FBXO25: variants seen among roughly 807,000 people sequenced by gnomAD.
FBXO25 encodes the protein F-box only protein 25.
In FBXO25, 45 loss-of-function variants were observed where a neutral mutation model predicts 51.9. The observed-to-expected ratio is 0.87, with a 90% CI of 0.68 to 1.11. The LOEUF is 1.11. FBXO25 is among the 50% of genes most tolerant of loss of function. FBXO25 has a pLI of 0.00. For synonymous variants in FBXO25, 199 were observed against 151.0 expected (o/e 1.32, Z -2.33); for missense variants, 507 against 428.5 (o/e 1.18, Z -1.62).
chr8:418,204 A>G (rs1336143104), intron 2 of FBXO25, among the ~76,000 whole-genome samples: 1 of 152,150 alleles, frequency 6.6e-6, no homozygotes, highest in Non-Finnish European at 1.5e-5. Context: ...TTTTGGGGAC[A>G]GTGCACAAGG....
At chr8:453,439 T>G (rs1799218989) in intron 7 of FBXO25, among the ~76,000 whole-genome samples, 1 of 152,126 alleles carries the variant, frequency 6.6e-6, no homozygotes, top group South Asian at 2.1e-4. Context: ...GGTTCCCTTG[T>G]AGGAGTTGGC....
intron 7 of FBXO25, among the ~76,000 whole-genome samples, chr8:451,957 A>G (rs1371561787): frequency 6.6e-6 from 1 of 152,226 alleles, no homozygotes; most frequent in African/African-American, 2.4e-5. Flanking sequence ...ACTAGTTTCA[A>G]CAAGAATAAT....
chr8:417,494 G>A (rs542979834), intron 2 of FBXO25, among the ~76,000 whole-genome samples: 11 of 152,288 alleles, frequency 7.2e-5, no homozygotes, highest in South Asian at 4.1e-4. Context: ...TAAGAGGGTC[G>A]AGGGGTGAGA....
At chr8:451,227 C>A in intron 6 of FBXO25, 42 bp from the exon 7 acceptor site, 1 of 1,534,702 alleles carries the variant, frequency 6.5e-7, no homozygotes, top group Non-Finnish European at 8.8e-7. Context: ...TAAAGTGTTG[C>A]TTAACTGTAT....
Position 468,813 on chromosome 8 carries a change from C to G in FBXO25, c.*9C>G, listed in dbSNP as rs370833891. 34 of 1,612,578 alleles carry G rather than the reference C, an allele frequency of 2.1e-5. No individual in the cohort carries two copies. The highest frequency in any genetic ancestry group is 3.3e-4 in the Middle Eastern group (2 of 6,076). ...ACCTCTTCAAGTTTTAAGGGCTGCC[C>G]CTGCCATCCCTATTGGAGATTGTGA... On this transcript the variant is annotated 3_prime_UTR_variant, in exon 10 of 10. Transcript: ENST00000350302.
At chr8:426,933 G>A in intron 2 of FBXO25, among the ~76,000 whole-genome samples, 1 of 151,616 alleles carries the variant, frequency 6.6e-6, no homozygotes, top group Non-Finnish European at 1.5e-5. Flanking sequence ...CTAAAAATAG[G>A]TTTCACATCT....
In FBXO25 at chr8:475,047, A is replaced by G. The variant is rs766102657; in HGVS notation, c.*6243A>G. 3.7e-5 allele frequency: 15 copies of G among 404,186 alleles called. No homozygotes were observed. The highest frequency in any genetic ancestry group is 3.5e-4 in the Middle Eastern group (1 of 2,820). The allele number at this position is 404,186 out of a possible 1,614,324, so 25.0% of individuals were successfully genotyped here. On this transcript the variant is annotated 3_prime_UTR_variant, in exon 10 of 10. Transcript: ENST00000350302. ...ATCTAAGAAATCACTGCCAAATCCA[A>G]TGTTGTTAAAAGTTTCCCTTATGTT... is the stretch of plus-strand genomic sequence containing the variant.
chr8:438,854 A>G (rs1313285127), intron 5 of FBXO25, among the ~76,000 whole-genome samples: 3 of 152,164 alleles, frequency 2.0e-5, no homozygotes, highest in African/African-American at 4.8e-5. Flanking sequence ...CGCCCCCATC[A>G]TGTCAGCAGC....
intron 4 of FBXO25, 71 bp downstream of exon 4, chr8:433,006 A>T: frequency 6.9e-7 from 1 of 1,450,428 alleles, no homozygotes; most frequent in Non-Finnish European, 9.1e-7. Context: ...CATTAAATAA[A>T]TGTATTAATA....
intron 9 of FBXO25, chr8:468,319 A>T: frequency 4.0e-6 from 4 of 1,005,096 alleles, no homozygotes; most frequent in Non-Finnish European, 4.8e-6. Flanking sequence ...TGTGTAACAA[A>T]GTGAGCCAGG....
intron 2 of FBXO25, among the ~76,000 whole-genome samples, chr8:426,855 A>C (rs781361794): frequency 1.4e-5 from 2 of 144,746 alleles, no homozygotes; most frequent in East Asian, 2.2e-4. Context: ...TGCTCCCTTC[A>C]TGTAAGAAGG....
chr8:452,108 C>T (rs1090), intron 7 of FBXO25, among the ~76,000 whole-genome samples: 1 of 152,158 alleles, frequency 6.6e-6, no homozygotes, highest in African/African-American at 2.4e-5. Context: ...GATTGCACTG[C>T]TAAGATCCTA....
chr8:421,591 C>G lies in FBXO25; in HGVS notation c.134+8378C>G, dbSNP rs187295060. ...TCAGGGTTGGAGGTGTCAGCATGAA[C>G]TAGGGCTGTTGGTTTTTTCAGAGAG... On this transcript the variant is annotated intron_variant, in intron 2 of 9. Transcript: ENST00000350302. Among the ~76,000 whole-genome samples the G allele has an allele frequency of 3.9e-5, 6 of 152,286 alleles. No homozygotes were observed. The East Asian group carries it at 1.2e-3, about 29-fold the overall frequency.
At chr8:415,507 T>C (rs1796741996) in intron 2 of FBXO25, among the ~76,000 whole-genome samples, 1 of 152,172 alleles carries the variant, frequency 6.6e-6, no homozygotes, top group Non-Finnish European at 1.5e-5. Flanking sequence ...TGATTCAGAA[T>C]AGAGGGTAGG....
chr8:414,600 GT>G (rs1007508696), intron 2 of FBXO25, among the ~76,000 whole-genome samples: 75 of 150,968 alleles, frequency 5.0e-4, no homozygotes, highest in African/African-American at 1.7e-3. Flanking sequence ...TCTGAGAATT[GT>G]TTTTTTTTCC....
At chr8:448,863 T>G (rs909982942) in intron 5 of FBXO25, among the ~76,000 whole-genome samples, 2 of 152,212 alleles carry the variant, frequency 1.3e-5, no homozygotes, top group African/African-American at 4.8e-5. Flanking sequence ...TAAGATGTGT[T>G]GTATGAGGAT....
At chr8:426,235 C>T (rs1797469579) in intron 2 of FBXO25, among the ~76,000 whole-genome samples, 1 of 152,152 alleles carries the variant, frequency 6.6e-6, no homozygotes, top group Non-Finnish European at 1.5e-5. Context: ...AGCTCCTGGT[C>T]ACTGTACTTC....
At chr8:409,130 A>C (rs1796338986) in intron 1 of FBXO25, among the ~76,000 whole-genome samples, 1 of 152,118 alleles carries the variant, frequency 6.6e-6, no homozygotes, top group Admixed American at 6.5e-5. Flanking sequence ...TATTTTTGAA[A>C]ACTTGAGATC....
chr8:447,906 A>G (rs1212643332), intron 5 of FBXO25, among the ~76,000 whole-genome samples: 1 of 152,188 alleles, frequency 6.6e-6, no homozygotes, highest in Admixed American at 6.5e-5. Flanking sequence ...AGCAGGAGAC[A>G]AAGTCAAGTT....
Sources: gnomAD v4.1 joint callset for allele counts (sites outside exome capture counted in the v4.1 genomes callset) on GRCh38, gnomAD v4.1.1 for gene constraint, MANE v1.5 for transcripts, NCBI Gene and HGNC (gene_info 2026-07-23, HGNC 2026-07-21) for gene names.